The following MGAT4C variants were observed in gnomAD, a reference collection of about 807,000 sequenced individuals.
MGAT4C encodes MGAT4 family member C, also known as alpha-1,3-mannosyl-glycoprotein 4-beta-N-acetylglucosaminyltransferase C.
A neutral mutation model predicts 40.1 loss-of-function variants in MGAT4C; 19 were observed. That is an observed-to-expected ratio of 0.47 (90% CI 0.33 to 0.70). The LOEUF is 0.70. MGAT4C is among the 30% of genes least tolerant of loss of function. The pLI, the probability that MGAT4C is intolerant of heterozygous loss-of-function variation, is 0.02. For synonymous variants in MGAT4C, 181 were observed against 187.1 expected (o/e 0.97, Z 0.27); for missense variants, 491 against 563.2 (o/e 0.87, Z 1.30).
intron 4 of MGAT4C, among the ~76,000 whole-genome samples, chr12:86,263,978 G>A (rs1217916812): frequency 6.6e-6 from 1 of 152,062 alleles, no homozygotes; most frequent in African/African-American, 2.4e-5. Context: ...CTTTTGAGAA[G>A]TGTCTATTAA....
intron 1 of MGAT4C, among the ~76,000 whole-genome samples, chr12:86,090,869 A>G (rs1223483430): frequency 6.6e-6 from 1 of 151,954 alleles, no homozygotes; most frequent in Non-Finnish European, 1.5e-5. Flanking sequence ...GATTCTTTCT[A>G]AAGTATATTT....
intron 2 of MGAT4C, among the ~76,000 whole-genome samples, chr12:86,644,185 G>T (rs1281429287): frequency 6.6e-6 from 1 of 151,436 alleles, no homozygotes; most frequent in Non-Finnish European, 1.5e-5. Context: ...TTTGGAAAAA[G>T]ATACAACTGA....
chr12:86,675,572 C>T (rs1168569246), intron 2 of MGAT4C, among the ~76,000 whole-genome samples: 3 of 152,208 alleles, frequency 2.0e-5, no homozygotes, highest in Non-Finnish European at 4.4e-5. Context: ...CAGTGGTTCT[C>T]AACTCTGGCT....
At chr12:86,145,285 T>C (rs1883367673) in intron 1 of MGAT4C, among the ~76,000 whole-genome samples, 1 of 152,164 alleles carries the variant, frequency 6.6e-6, no homozygotes, top group South Asian at 2.1e-4. Flanking sequence ...GGAGCCTCCT[T>C]TATGCAAATT....
intron 1 of MGAT4C, among the ~76,000 whole-genome samples, chr12:86,091,351 C>A (rs1262472229): frequency 2.0e-5 from 3 of 152,024 alleles, no homozygotes; most frequent in East Asian, 1.9e-4. Flanking sequence ...ATTTTCCCCC[C>A]ACTGGCCTCA....
chr12:85,994,607 A>T lies in MGAT4C; in HGVS notation c.-6-5055T>A, dbSNP rs185018954. 6.0e-4 allele frequency among the ~76,000 whole-genome samples: 77 copies of T among 128,508 alleles called. 1 individual carries two copies. The East Asian group carries it at 0.01, about 17-fold the overall frequency. 84.3% of individuals were successfully genotyped at this position (128,508 alleles called of 152,430 possible). A position where few individuals can be genotyped will look rare whatever the true frequency, so the allele number is the denominator to read the frequency against. On this transcript the variant is annotated intron_variant, in intron 2 of 4. Coordinates refer to ENST00000611864, the MANE Select transcript of MGAT4C (RefSeq NM_001351288.2). ...TACACCTTGGTTTAGGAAAGTTTTT[A>T]AAAAAATCCCCCCCCAGCCGCCAAA...
At chr12:86,745,701 T>C (rs532547417) in intron 1 of MGAT4C, among the ~76,000 whole-genome samples, 1 of 151,820 alleles carries the variant, frequency 6.6e-6, no homozygotes, top group Non-Finnish European at 1.5e-5. Context: ...AATGAATGAA[T>C]GAGTAAATCT....
intron 2 of MGAT4C, among the ~76,000 whole-genome samples, chr12:86,010,816 T>G (rs1888394797): frequency 6.6e-6 from 1 of 152,164 alleles, no homozygotes; most frequent in Non-Finnish European, 1.5e-5. Flanking sequence ...AATGGATTAA[T>G]CCATTCATGG....
intron 2 of MGAT4C, among the ~76,000 whole-genome samples, chr12:86,596,421 C>A (rs1229349934): frequency 3.3e-5 from 5 of 152,060 alleles, no homozygotes; most frequent in Non-Finnish European, 7.4e-5. Flanking sequence ...GAGATGGCCA[C>A]GTGAAATTGT....
intron 1 of MGAT4C, among the ~76,000 whole-genome samples, chr12:86,778,582 C>A (rs1427853011): frequency 6.6e-6 from 1 of 152,140 alleles, no homozygotes; most frequent in East Asian, 1.9e-4. Flanking sequence ...TTGCAAATGA[C>A]ACATAAGGAA....
chr12:86,338,550 T>C (rs1954837738), intron 3 of MGAT4C, among the ~76,000 whole-genome samples: 1 of 152,160 alleles, frequency 6.6e-6, no homozygotes, highest in African/African-American at 2.4e-5. Flanking sequence ...TGATAAACTA[T>C]AAACTAAATT....
At chr12:86,514,110 A>ACACACAC (rs774960809) in intron 2 of MGAT4C, among the ~76,000 whole-genome samples, 6 of 144,704 alleles carry the variant, frequency 4.1e-5, no homozygotes, top group East Asian at 4.0e-4. Context: ...ACACACACAC[A>ACACACAC]ACCCCGGCTT....
chr12:86,473,437 T>G (rs1289410373), intron 2 of MGAT4C, among the ~76,000 whole-genome samples: 1 of 152,216 alleles, frequency 6.6e-6, no homozygotes, highest in Admixed American at 6.5e-5. Flanking sequence ...AGAACATTTA[T>G]CACTGATACA....
At chr12:86,116,729 A>G (rs1341903093) in intron 1 of MGAT4C, among the ~76,000 whole-genome samples, 3 of 152,070 alleles carry the variant, frequency 2.0e-5, no homozygotes, top group African/African-American at 7.2e-5. Context: ...ATGTAATCCA[A>G]TTGTATTCAT....
intron 1 of MGAT4C, among the ~76,000 whole-genome samples, chr12:86,764,770 C>T (rs1482929974): frequency 1.3e-5 from 2 of 152,268 alleles, no homozygotes; most frequent in South Asian, 2.1e-4. Context: ...TGGAGTGGAC[C>T]TCTAGCAAAC....
chr12:86,617,640 A>G (rs1327929479), intron 2 of MGAT4C, among the ~76,000 whole-genome samples: 1 of 151,908 alleles, frequency 6.6e-6, no homozygotes, highest in Admixed American at 6.6e-5. Flanking sequence ...GTGCGCGGAG[A>G]TCCTGCCGCT....
chr12:86,661,595 G>A (rs893103210), intron 2 of MGAT4C, among the ~76,000 whole-genome samples: 3 of 152,226 alleles, frequency 2.0e-5, no homozygotes, highest in South Asian at 2.1e-4. Context: ...GGTAGTCCAA[G>A]GTGAGTTAAT....
intron 1 of MGAT4C, among the ~76,000 whole-genome samples, chr12:86,060,668 A>G (rs2137000903): frequency 6.6e-6 from 1 of 152,358 alleles, no homozygotes; most frequent in African/African-American, 2.4e-5. Flanking sequence ...AAAATGACTG[A>G]AGAAAATAAA....
chr12:86,341,807 G>A (rs1330701841), intron 3 of MGAT4C, among the ~76,000 whole-genome samples: 1 of 152,114 alleles, frequency 6.6e-6, no homozygotes, highest in Non-Finnish European at 1.5e-5. Flanking sequence ...TCCCAGTCAA[G>A]GCCTTCAGCC....
Sources: allele counts gnomAD v4.1 joint callset (sites outside exome capture counted in the v4.1 genomes callset), GRCh38; gene constraint gnomAD v4.1.1; transcripts MANE v1.5; gene names NCBI Gene and HGNC (gene_info 2026-07-23, HGNC 2026-07-21).